Variants in OTULINL observed in about 807,000 individuals in gnomAD.
OTULINL encodes OTU deubiquitinase with linear linkage specificity like.
In OTULINL, 42 loss-of-function variants were observed where a neutral mutation model predicts 43.9. The ratio of observed to expected loss-of-function variants is 0.96; its 90% CI spans 0.75 to 1.24. The LOEUF is 1.24. Among genes scored for constraint, OTULINL ranks in the 50% most tolerant of loss-of-function variants. OTULINL has a pLI of 0.00. For missense variants in OTULINL, 411 were observed against 426.4 expected (o/e 0.96, Z 0.32); for synonymous variants, 172 against 153.6 (o/e 1.12, Z -0.88).
intron 1 of OTULINL, among the ~76,000 whole-genome samples, chr5:14,597,643 C>T (rs1759310131): frequency 6.6e-6 from 1 of 152,228 alleles, no homozygotes; most frequent in Non-Finnish European, 1.5e-5. Context: ...AGAGAAGGCT[C>T]ACTCCTAATG....
chr5:14,593,698 A>G (rs2126774500), intron 1 of OTULINL, among the ~76,000 whole-genome samples: 1 of 152,356 alleles, frequency 6.6e-6, no homozygotes. Flanking sequence ...CAACATCTCT[A>G]GAAGATGTGC....
At chr5:14,591,178 T>C (rs1195647298) in intron 1 of OTULINL, among the ~76,000 whole-genome samples, 2 of 152,144 alleles carry the variant, frequency 1.3e-5, no homozygotes, top group Non-Finnish European at 2.9e-5. Flanking sequence ...AAATCAGTAA[T>C]GAAATCTAGC....
chr5:14,607,080 A>T (rs31972), intron 5 of OTULINL, among the ~76,000 whole-genome samples: 142,182 of 152,082 alleles, frequency 0.93, 66,603 homozygotes, highest in African/African-American at 0.98. Flanking sequence ...AATACAAAAA[A>T]TTAGCTGGGC....
At chr5:14,587,433 A>T (rs1170881000) in intron 1 of OTULINL, among the ~76,000 whole-genome samples, 1 of 152,258 alleles carries the variant, frequency 6.6e-6, no homozygotes, top group Non-Finnish European at 1.5e-5. Context: ...GGTGGCACTC[A>T]TGTCAGTGGA....
At chr5:14,599,841 A>G (rs1177684870) in intron 1 of OTULINL, among the ~76,000 whole-genome samples, 4 of 152,210 alleles carry the variant, frequency 2.6e-5, no homozygotes, top group Non-Finnish European at 5.9e-5. Flanking sequence ...TCTTTTGTCA[A>G]ATCAGGAATC....
rs758548150 is a variant in OTULINL at position 14,581,881 on chromosome 5, G to T, written c.-14G>T. On this transcript the variant is annotated 5_prime_UTR_variant, in exon 1 of 8. Coordinates refer to ENST00000274217, the MANE Select transcript of OTULINL (RefSeq NM_019018.3). ...ACGGGCCGAGGCCCAGCGCCCGTCC[G>T]CAGCGCGGCCGGCATGGCGGCGACA... is the stretch of plus-strand genomic sequence containing the variant. 2.1e-6 allele frequency: 3 copies of T among 1,408,182 alleles called. No individual in the cohort carries two copies. The South Asian group carries it at 4.3e-5, about 20-fold the overall frequency. The allele number at this position is 1,408,182 out of a possible 1,614,324, so 87.2% of individuals were successfully genotyped here. A position where few individuals can be genotyped will look rare whatever the true frequency, so the allele number is the denominator to read the frequency against.
At chr5:14,597,671 G>C (rs998495239) in intron 1 of OTULINL, among the ~76,000 whole-genome samples, 1 of 152,194 alleles carries the variant, frequency 6.6e-6, no homozygotes, top group Non-Finnish European at 1.5e-5. Context: ...TGAACAGCTC[G>C]TATAGATCCT....
Position 14,614,485 on chromosome 5 carries a change from T to A in OTULINL, c.*4171T>A. ...TATGTTATTTGTTCAGAATAGTGGA[T>A]CTTTGCTTAATTCACTTCTGTTTTA... On this transcript the variant is annotated 3_prime_UTR_variant, in exon 8 of 8. Transcript: ENST00000274217. 1 of 397,712 alleles carries A rather than the reference T, an allele frequency of 2.5e-6. No homozygotes were observed. Among genetic ancestry groups the A allele is most frequent in the Non-Finnish European group, 4.4e-6 (1 of 225,942 alleles). The allele number at this position is 397,712 out of a possible 1,614,324, so 24.6% of individuals were successfully genotyped here. A position where few individuals can be genotyped will look rare whatever the true frequency, so the allele number is the denominator to read the frequency against.
intron 1 of OTULINL, among the ~76,000 whole-genome samples, chr5:14,590,327 A>G (rs1293150723): frequency 6.6e-6 from 1 of 152,146 alleles, no homozygotes; most frequent in Non-Finnish European, 1.5e-5. Context: ...CTGAAAATCC[A>G]CTGGAGCCAG....
chr5:14,586,251 A>G (rs1256878277), intron 1 of OTULINL, among the ~76,000 whole-genome samples: 1 of 152,232 alleles, frequency 6.6e-6, no homozygotes, highest in Non-Finnish European at 1.5e-5. Context: ...GAACATTTAA[A>G]TGGTGCTTCT....
At chr5:14,600,899 T>C (rs1759373585) in intron 1 of OTULINL, 66 bp from the exon 2 acceptor site, 8 of 1,307,018 alleles carry the variant, frequency 6.1e-6, no homozygotes, top group Admixed American at 6.7e-5. Flanking sequence ...GCATTTTTTT[T>C]CTCTTAAAGC....
At chr5:14,602,361 A>G in intron 5 of OTULINL, 29 bp downstream of exon 5, 2 of 1,602,790 alleles carry the variant, frequency 1.2e-6, no homozygotes, top group South Asian at 2.2e-5. Context: ...AATGTGGGAA[A>G]TGTCATGTTG....
chr5:14,597,301 T>C (rs1377647059), intron 1 of OTULINL, among the ~76,000 whole-genome samples: 1 of 152,160 alleles, frequency 6.6e-6, no homozygotes, highest in Non-Finnish European at 1.5e-5. Flanking sequence ...GCAGTGATGA[T>C]AGTAAGAGTG....
At position 14,615,458 on chromosome 5, in the gene OTULINL, C is replaced by T. The variant is rs546048440; in HGVS notation, c.*5144C>T. Among the ~76,000 whole-genome samples the T allele has an allele frequency of 2.0e-5, 3 of 152,182 alleles. No homozygotes were observed. Among genetic ancestry groups the T allele is most frequent in the South Asian group, 4.1e-4 (2 of 4,826 alleles). On this transcript the variant is annotated 3_prime_UTR_variant, in exon 8 of 8. Transcript: ENST00000274217. The stretch of plus-strand genomic sequence containing the variant: ...AGAAGCAGCTGGTACAGACTGATGA[C>T]GAAGGAGAGGACCAGAAAAGCTGCT...
Position 14,614,657 on chromosome 5 carries a change from C to A in OTULINL, c.*4343C>A, listed in dbSNP as rs866806185. The A allele has an allele frequency of 1.5e-5, 6 of 398,578 alleles. No individual in the cohort carries two copies. The East Asian group carries it at 2.1e-4, about 14-fold the overall frequency. The allele number at this position is 398,578 out of a possible 1,614,324, so 24.7% of individuals were successfully genotyped here. On this transcript the variant is annotated 3_prime_UTR_variant, in exon 8 of 8. Coordinates refer to ENST00000274217, the MANE Select transcript of OTULINL (RefSeq NM_019018.3). ...GTCTGGAGTGCTCTGTAGAACAGCCCGAAGTGTACACCATGTCTCTGCACT... is the reference window on the plus strand; with the variant it reads ...GTCTGGAGTGCTCTGTAGAACAGCCAGAAGTGTACACCATGTCTCTGCACT...
chr5:14,608,898 A>G lies in OTULINL; in HGVS notation c.778A>G (p.Thr260Ala), dbSNP rs778583060. Residue 260 changes from threonine to alanine, a missense_variant, in exon 7 of 8, where the codon ACT becomes GCT. Thr to Ala is a moderately conservative substitution (Grantham distance 58, BLOSUM62 0). Transcript: ENST00000274217. ...CACTGAAGTTTATGAACAAATGAAG[A>G]CTAAAAAGGTCATTCCCAGTCTTTT... ...QVTEVYEQMK[T>A]KKVIPSLFRL... 1 of 1,614,178 alleles carries G rather than the reference A, an allele frequency of 6.2e-7. No homozygotes were observed. The highest frequency in any genetic ancestry group is 1.1e-5 in the South Asian group (1 of 91,088).
chr5:14,590,202 C>T (rs1759176267), intron 1 of OTULINL, among the ~76,000 whole-genome samples: 1 of 152,156 alleles, frequency 6.6e-6, no homozygotes, highest in Admixed American at 6.5e-5. Context: ...TTTGAGATAA[C>T]AGAAGCAGCT....
intron 1 of OTULINL, among the ~76,000 whole-genome samples, 193 bp from the exon 2 acceptor site, chr5:14,600,772 A>T (rs1759371065): frequency 6.6e-6 from 1 of 152,158 alleles, no homozygotes; most frequent in African/African-American, 2.4e-5. Flanking sequence ...ATTATGGGAG[A>T]ACCATAAAGA....
chr5:14,583,389 G>A (rs1759050990), intron 1 of OTULINL, among the ~76,000 whole-genome samples: 1 of 152,142 alleles, frequency 6.6e-6, no homozygotes, highest in South Asian at 2.1e-4. Flanking sequence ...TTTCCTATGG[G>A]TGTATTCATT....
Sources: allele counts gnomAD v4.1 joint callset (sites outside exome capture counted in the v4.1 genomes callset), GRCh38; gene constraint gnomAD v4.1.1; transcripts MANE v1.5; gene names NCBI Gene and HGNC (gene_info 2026-07-23, HGNC 2026-07-21).